BRINP3: variants seen among roughly 807,000 people sequenced by gnomAD.
The protein encoded by BRINP3 is BMP/retinoic acid-inducible neural-specific protein 3.
Under a neutral mutation model 71.0 loss-of-function variants are expected in BRINP3, and 19 were observed. The observed-to-expected ratio is 0.27, with a 90% CI of 0.19 to 0.39. The LOEUF is 0.39. Among genes scored for constraint, BRINP3 ranks in the 10% least tolerant of loss-of-function variants. The pLI, the probability that BRINP3 is intolerant of heterozygous loss-of-function variation, is 1.00. For missense variants in BRINP3, 959 were observed against 940.8 expected (o/e 1.02, Z -0.25); for synonymous variants, 380 against 337.7 (o/e 1.13, Z -1.37).
intron 2 of BRINP3, among the ~76,000 whole-genome samples, chr1:190,290,974 A>C (rs1663819225): frequency 6.6e-6 from 1 of 151,648 alleles, no homozygotes; most frequent in Non-Finnish European, 1.5e-5. Flanking sequence ...AAAGATATGG[A>C]GTATAGAGAG....
At chr1:190,125,123 T>C (rs1202794847) in intron 7 of BRINP3, among the ~76,000 whole-genome samples, 2 of 151,884 alleles carry the variant, frequency 1.3e-5, no homozygotes, top group African/African-American at 4.8e-5. Context: ...GAACAAGGCC[T>C]CAAATGTAAG....
intron 3 of BRINP3, among the ~76,000 whole-genome samples, chr1:190,276,130 AT>A (rs1349988991): frequency 1.3e-5 from 2 of 151,460 alleles, no homozygotes; most frequent in Non-Finnish European, 3.0e-5. Flanking sequence ...AAAAATATTT[AT>A]TTTTCTTTCT....
At chr1:190,360,599 A>G (rs1298873034) in intron 2 of BRINP3, among the ~76,000 whole-genome samples, 1 of 152,150 alleles carries the variant, frequency 6.6e-6, no homozygotes, top group African/African-American at 2.4e-5. Context: ...TCAAATAATC[A>G]TATTTTGCCC....
intron 2 of BRINP3, among the ~76,000 whole-genome samples, chr1:190,311,023 C>G (rs1334312880): frequency 1.3e-5 from 2 of 151,566 alleles, no homozygotes; most frequent in Non-Finnish European, 3.0e-5. Flanking sequence ...AATGCTAGAG[C>G]CAGGTTTGAA....
rs1652297550 is a variant in BRINP3 at position 190,107,678 on chromosome 1, G to A, written c.1185-8544C>T. On this transcript the variant is annotated intron_variant, in intron 7 of 7. Transcript: ENST00000367462. ...TCCTAATTGGAGTATGATCTCCTAA[G>A]AAAGAAGAAAATGTATATTGTTACA... Among the ~76,000 whole-genome samples, 5 of 152,018 alleles carry A rather than the reference G, an allele frequency of 3.3e-5. No homozygotes were observed. The South Asian group carries it at 1.0e-3, about 32-fold the overall frequency.
intron 2 of BRINP3, among the ~76,000 whole-genome samples, chr1:190,379,107 G>A (rs1291000781): frequency 6.6e-6 from 1 of 152,066 alleles, no homozygotes; most frequent in Non-Finnish European, 1.5e-5. Flanking sequence ...TACAAAAGCT[G>A]ACCTGCTGAA....
chr1:190,137,261 T>C (rs1655050222), intron 7 of BRINP3, among the ~76,000 whole-genome samples: 1 of 151,976 alleles, frequency 6.6e-6, no homozygotes. Context: ...GAATTATAGA[T>C]GAAAGAGAGC....
chr1:190,424,530 C>G (rs1358114393), intron 2 of BRINP3, among the ~76,000 whole-genome samples: 2 of 151,598 alleles, frequency 1.3e-5, no homozygotes, highest in Non-Finnish European at 3.0e-5. Flanking sequence ...TTCAGATTGT[C>G]AAGCAGCTGG....
intron 1 of BRINP3, among the ~76,000 whole-genome samples, chr1:190,458,084 A>G (rs1400166593): frequency 6.6e-6 from 1 of 152,120 alleles, no homozygotes; most frequent in Non-Finnish European, 1.5e-5. Flanking sequence ...GAACTACCTA[A>G]CAATATTACC....
intron 6 of BRINP3, among the ~76,000 whole-genome samples, chr1:190,205,499 A>G (rs1036959059): frequency 1.3e-5 from 2 of 152,064 alleles, no homozygotes; most frequent in African/African-American, 4.8e-5. Context: ...CTGCTCTAAT[A>G]TGGGAGTTGG....
intron 2 of BRINP3, among the ~76,000 whole-genome samples, chr1:190,334,271 C>T (rs765785600): frequency 3.3e-5 from 5 of 151,676 alleles, no homozygotes; most frequent in Non-Finnish European, 7.4e-5. Flanking sequence ...GCCCACGCTA[C>T]GTTCAAGGAA....
chr1:190,225,249 T>A (rs1242038468), intron 6 of BRINP3, among the ~76,000 whole-genome samples: 1 of 151,876 alleles, frequency 6.6e-6, no homozygotes, highest in Non-Finnish European at 1.5e-5. Flanking sequence ...ATGAATAGAT[T>A]AAGAGAATGT....
At chr1:190,265,601 C>T (rs970021607) in intron 3 of BRINP3, among the ~76,000 whole-genome samples, 7 of 150,248 alleles carry the variant, frequency 4.7e-5, no homozygotes, top group African/African-American at 1.7e-4. Context: ...GTAGTTCCAG[C>T]TACTCCGGAG....
intron 2 of BRINP3, among the ~76,000 whole-genome samples, chr1:190,426,559 G>A (rs1673720562): frequency 6.6e-6 from 1 of 151,666 alleles, no homozygotes; most frequent in South Asian, 2.1e-4. Flanking sequence ...AACATTTTTA[G>A]ATTGTAGAGC....
At chr1:190,339,886 T>A (rs536899465) in intron 2 of BRINP3, among the ~76,000 whole-genome samples, 9 of 152,060 alleles carry the variant, frequency 5.9e-5, no homozygotes, top group African/African-American at 1.9e-4. Flanking sequence ...AATTTAAGAT[T>A]GCAAAAGATG....
intron 4 of BRINP3, among the ~76,000 whole-genome samples, chr1:190,249,549 G>A (rs962294721): frequency 6.6e-6 from 1 of 151,802 alleles, no homozygotes; most frequent in African/African-American, 2.4e-5. Context: ...AAAGTAAAAT[G>A]TGTTAACTTA....
At chr1:190,238,729 A>G (rs1385565860) in intron 4 of BRINP3, among the ~76,000 whole-genome samples, 4 of 152,160 alleles carry the variant, frequency 2.6e-5, no homozygotes, top group Non-Finnish European at 5.9e-5. Flanking sequence ...CTTTGAAAGT[A>G]TCTACATAAG....
At position 190,181,358 on chromosome 1, in the gene BRINP3, TAAATA is replaced by T. The variant is rs545657185; in HGVS notation, c.962-20473_962-20469del. ...GGTTGTTTCTAGTTTTTGACTACCG[TAAATA>T]AAATAAACCATTTCCATTTCATGTA... On this transcript the variant is annotated intron_variant, in intron 6 of 7. Coordinates refer to ENST00000367462, the MANE Select transcript of BRINP3 (RefSeq NM_199051.3). Among the ~76,000 whole-genome samples the T allele has an allele frequency of 2.6e-3, 402 of 152,174 alleles. 2 individuals carry two copies. The highest frequency in any genetic ancestry group is 8.9e-3 in the African/African-American group (368 of 41,578).
In BRINP3 at chr1:190,260,637, T is replaced by C. The variant is rs147915991; in HGVS notation, c.618+4228A>G. ...CCCCAAATAACAAATAATTTACTTA[T>C]CAAAACTGCTTCTTGGAAAAGTATT... is the stretch of plus-strand genomic sequence containing the variant. On this transcript the variant is annotated intron_variant, in intron 4 of 7. Transcript: ENST00000367462. 5.5e-3 allele frequency among the ~76,000 whole-genome samples: 832 copies of C among 152,184 alleles called. 6 individuals carry two copies. The highest frequency in any genetic ancestry group is 0.018 in the African/African-American group (760 of 41,570).
Sources: allele counts gnomAD v4.1 joint callset (sites outside exome capture counted in the v4.1 genomes callset), GRCh38; gene constraint gnomAD v4.1.1; transcripts MANE v1.5; gene names NCBI Gene and HGNC (gene_info 2026-07-23, HGNC 2026-07-21).